CADM1: variants seen among roughly 807,000 people sequenced by gnomAD.
The protein encoded by CADM1 is cell adhesion molecule 1, also known as TSLC-1.
In CADM1, 15 loss-of-function variants were observed where a neutral mutation model predicts 53.1. The observed-to-expected ratio is 0.28, with a 90% CI of 0.19 to 0.44. CADM1 has a LOEUF of 0.44. Ranked by LOEUF, CADM1 falls within the 20% of genes least tolerant of loss-of-function variation. CADM1 has a pLI of 1.00. For synonymous variants in CADM1, 281 were observed against 243.0 expected (o/e 1.16, Z -1.45); for missense variants, 434 against 611.3 (o/e 0.71, Z 3.06).
At chr11:115,380,028 C>T (rs555933634) in intron 1 of CADM1, among the ~76,000 whole-genome samples, 30 of 152,214 alleles carry the variant, frequency 2.0e-4, no homozygotes, top group South Asian at 1.9e-3. Context: ...GTTCTGAAGA[C>T]GTACTAGTTC....
intron 1 of CADM1, among the ~76,000 whole-genome samples, chr11:115,294,039 A>C (rs911356232): frequency 2.0e-5 from 3 of 152,194 alleles, no homozygotes; most frequent in Non-Finnish European, 4.4e-5. Flanking sequence ...TGGCTTCCTG[A>C]TACCCACCAC....
chr11:115,476,199 G>A (rs781264461), intron 1 of CADM1, among the ~76,000 whole-genome samples: 21 of 152,096 alleles, frequency 1.4e-4, no homozygotes, highest in Admixed American at 9.2e-4. Context: ...ATATATACAA[G>A]CCATATATAG....
chr11:115,358,189 C>A (rs1451203046), intron 1 of CADM1, among the ~76,000 whole-genome samples: 1 of 144,122 alleles, frequency 6.9e-6, no homozygotes, highest in Non-Finnish European at 1.6e-5. Context: ...ACCTCTCAAG[C>A]AGTCATTGAT....
intron 1 of CADM1, among the ~76,000 whole-genome samples, chr11:115,315,782 G>T (rs569958918): frequency 6.6e-6 from 1 of 152,002 alleles, no homozygotes; most frequent in African/African-American, 2.4e-5. Context: ...AAGAGGAAAA[G>T]TTTCTCAGTC....
Position 115,203,855 on chromosome 11 carries a change from T to C in CADM1, c.1079-5417A>G, listed in dbSNP as rs953201638. On this transcript the variant is annotated intron_variant, in intron 8 of 11. Transcript: ENST00000331581. Reference sequence around the variant, plus strand: ...TTGTTATTTGTAACAGGTTTACAATTATCAGGAAAAAAAAATGTAGACACT... The same window carrying C: ...TTGTTATTTGTAACAGGTTTACAATCATCAGGAAAAAAAAATGTAGACACT... Among the ~76,000 whole-genome samples the C allele has an allele frequency of 7.9e-5, 12 of 152,016 alleles. 1 individual carries two copies. The highest frequency in any genetic ancestry group is 2.9e-5 in the Non-Finnish European group (2 of 67,996).
chr11:115,187,486 CG>C (rs1565285429), intron 10 of CADM1, among the ~76,000 whole-genome samples: 3 of 152,052 alleles, frequency 2.0e-5, no homozygotes, highest in African/African-American at 7.2e-5. Context: ...TGGAGTACAG[CG>C]GCGTCATCTC....
At chr11:115,197,851 G>A (rs954749452) in intron 9 of CADM1, among the ~76,000 whole-genome samples, 1 of 152,070 alleles carries the variant, frequency 6.6e-6, no homozygotes, top group African/African-American at 2.4e-5. Context: ...AGGGGTGGTG[G>A]GGTACATATG....
intron 1 of CADM1, among the ~76,000 whole-genome samples, chr11:115,333,831 A>G (rs1448764198): frequency 1.3e-5 from 2 of 152,086 alleles, no homozygotes; most frequent in African/African-American, 4.8e-5. Context: ...CAGTCATTTC[A>G]TCAGAGTGCA....
chr11:115,178,403 T>C (rs1278812589), intron 11 of CADM1, among the ~76,000 whole-genome samples: 1 of 152,116 alleles, frequency 6.6e-6, no homozygotes, highest in Admixed American at 6.5e-5. Flanking sequence ...AAGCTTTATA[T>C]TTAGAGAAAA....
chr11:115,503,476 G>A (rs1949777913), intron 1 of CADM1, among the ~76,000 whole-genome samples: 1 of 152,110 alleles, frequency 6.6e-6, no homozygotes, highest in Non-Finnish European at 1.5e-5. Context: ...GGGAAATCCC[G>A]TGTCCCCACT....
At chr11:115,211,133 G>A (rs781311978) in intron 7 of CADM1, among the ~76,000 whole-genome samples, 1 of 152,082 alleles carries the variant, frequency 6.6e-6, no homozygotes, top group African/African-American at 2.4e-5. Flanking sequence ...TGAGAAATAC[G>A]GTGATTCAGG....
At chr11:115,489,503 AGTT>A (rs1434290023) in intron 1 of CADM1, among the ~76,000 whole-genome samples, 2 of 152,382 alleles carry the variant, frequency 1.3e-5, no homozygotes, top group East Asian at 3.9e-4. Context: ...TGGTTAGAGA[AGTT>A]GTGACAGAAG....
intron 1 of CADM1, among the ~76,000 whole-genome samples, chr11:115,409,687 C>A (rs1044087525): frequency 2.0e-5 from 3 of 151,870 alleles, no homozygotes; most frequent in African/African-American, 7.3e-5. Context: ...AATCTGGGTT[C>A]CTTGACCCTC....
At chr11:115,331,926 G>A (rs541136281) in intron 1 of CADM1, among the ~76,000 whole-genome samples, 14 of 150,440 alleles carry the variant, frequency 9.3e-5, no homozygotes, top group South Asian at 4.2e-4. Context: ...CCTCCCCTGC[G>A]TGGGGAAGGA....
chr11:115,174,288 T>G lies in CADM1; in HGVS notation c.*2186A>C, dbSNP rs1373805179. On this transcript the variant is annotated 3_prime_UTR_variant, in exon 12 of 12. Coordinates refer to ENST00000331581, the MANE Select transcript of CADM1 (RefSeq NM_001301043.2). ...GTGATTTTTTTTTTTTGTTTTTGTT[T>G]TTGTTTTTCTTTTTTTCTAAAAAGA... is the stretch of plus-strand genomic sequence containing the variant. 2.8e-5 allele frequency: 28 copies of G among 985,476 alleles called. No homozygotes were observed. Among genetic ancestry groups the G allele is most frequent in the Middle Eastern group, 5.2e-4 (1 of 1,934 alleles). 61.0% of individuals were successfully genotyped at this position (985,476 alleles called of 1,614,324 possible). A position where few individuals can be genotyped will look rare whatever the true frequency, so the allele number is the denominator to read the frequency against.
chr11:115,452,137 G>T (rs1948586142), intron 1 of CADM1, among the ~76,000 whole-genome samples: 1 of 96,918 alleles, frequency 1.0e-5, no homozygotes, highest in Non-Finnish European at 1.9e-5. Flanking sequence ...GGTTTGGCGG[G>T]GCCAGCGGGG....
At chr11:115,264,033 A>G (rs1943055077) in intron 1 of CADM1, among the ~76,000 whole-genome samples, 1 of 152,154 alleles carries the variant, frequency 6.6e-6, no homozygotes, top group Non-Finnish European at 1.5e-5. Flanking sequence ...TGAGATCGAG[A>G]GTCAAATTCT....
At chr11:115,392,301 A>G (rs1415878205) in intron 1 of CADM1, among the ~76,000 whole-genome samples, 4 of 152,084 alleles carry the variant, frequency 2.6e-5, no homozygotes, top group African/African-American at 4.8e-5. Flanking sequence ...TAGATACTCA[A>G]TAAGTGTCTG....
intron 1 of CADM1, among the ~76,000 whole-genome samples, chr11:115,353,386 G>A (rs1945786410): frequency 6.6e-6 from 1 of 152,216 alleles, no homozygotes; most frequent in African/African-American, 2.4e-5. Context: ...TGTAGCAAGT[G>A]CAACTGTGGA....
Sources: gnomAD v4.1 joint callset for allele counts (sites outside exome capture counted in the v4.1 genomes callset) on GRCh38, gnomAD v4.1.1 for gene constraint, MANE v1.5 for transcripts, NCBI Gene and HGNC (gene_info 2026-07-23, HGNC 2026-07-21) for gene names.